Variants in OTULINL observed in about 807,000 individuals in gnomAD.
The protein encoded by OTULINL is inactive ubiquitin thioesterase OTULINL.
OTULINL carries 42 observed loss-of-function variants against 43.9 expected under a neutral mutation model. The ratio of observed to expected loss-of-function variants is 0.96; its 90% CI spans 0.75 to 1.24. The LOEUF (loss-of-function observed/expected upper bound fraction) is 1.24, where lower values mean the gene tolerates loss of function less well. OTULINL is among the 50% of genes most tolerant of loss of function. The pLI is 0.00. For missense variants in OTULINL, 411 were observed against 426.4 expected (o/e 0.96, Z 0.32); for synonymous variants, 172 against 153.6 (o/e 1.12, Z -0.88).
rs904116870 is a variant in OTULINL, at chr5:14,615,192, T to G, written c.*4878T>G. The stretch of plus-strand genomic sequence containing the variant: ...GATGGTTTGTGACTTTACCCCATTG[T>G]GCCTTATCATTTGTCAGCAAACTTA... On this transcript the variant is annotated 3_prime_UTR_variant, in exon 8 of 8. Coordinates refer to ENST00000274217, the MANE Select transcript of OTULINL (RefSeq NM_019018.3). 6.6e-6 allele frequency among the ~76,000 whole-genome samples: 1 copy of G among 152,240 alleles called. No individual in the cohort carries two copies. Among genetic ancestry groups the G allele is most frequent in the African/African-American group, 2.4e-5 (1 of 41,458 alleles).
At chr5:14,595,696 C>A (rs1477588836) in intron 1 of OTULINL, among the ~76,000 whole-genome samples, 2 of 120,738 alleles carry the variant, frequency 1.7e-5, no homozygotes, top group African/African-American at 6.4e-5. Flanking sequence ...GTCTCATCTG[C>A]CATATATCGT....
At chr5:14,607,132 A>G (rs1404234575) in intron 5 of OTULINL, among the ~76,000 whole-genome samples, 198 bp from the exon 6 acceptor site, 1 of 152,172 alleles carries the variant, frequency 6.6e-6, no homozygotes, top group Non-Finnish European at 1.5e-5. Flanking sequence ...CAGGAGGCTG[A>G]GGCAGCAGAA....
chr5:14,602,103 C>T, intron 4 of OTULINL, 80 bp from the exon 5 acceptor site: 1 of 1,140,306 alleles, frequency 8.8e-7, no homozygotes, highest in African/African-American at 1.6e-5. Flanking sequence ...GGAGGAACAC[C>T]TCACTGAAAA....
intron 1 of OTULINL, 69 bp downstream of exon 1, chr5:14,582,027 A>G (rs1212708443): frequency 2.7e-6 from 3 of 1,102,832 alleles, no homozygotes; most frequent in African/African-American, 1.6e-5. Flanking sequence ...GCGGGGTCGC[A>G]GGCAGCCAGG....
intron 5 of OTULINL, 75 bp from the exon 6 acceptor site, chr5:14,607,255 G>A (rs1759498623): frequency 2.8e-6 from 4 of 1,440,316 alleles, no homozygotes; most frequent in Non-Finnish European, 3.8e-6. Context: ...AAGGTTGTGT[G>A]CTGTGCTATA....
chr5:14,595,683 A>G (rs543010205), intron 1 of OTULINL, among the ~76,000 whole-genome samples: 4 of 129,276 alleles, frequency 3.1e-5, no homozygotes, highest in African/African-American at 9.1e-5. Flanking sequence ...GTTCTGACCA[A>G]CAGTCTCATC....
At chr5:14,582,014 C>T (rs1759009129) in intron 1 of OTULINL, 56 bp downstream of exon 1, 3 of 1,161,862 alleles carry the variant, frequency 2.6e-6, no homozygotes, top group Non-Finnish European at 3.2e-6. Context: ...ACCGTCAAGG[C>T]GGGCGGGGTC....
Position 14,609,029 on chromosome 5 carries a change from G to A in OTULINL, c.897+12G>A. The A allele has an allele frequency of 6.3e-7, 1 of 1,599,606 alleles. No homozygotes were observed. Among genetic ancestry groups the A allele is most frequent in the Non-Finnish European group, 8.5e-7 (1 of 1,171,326 alleles). Reference sequence around the variant, plus strand: ...GTGGACTAGAGCAGGTAACCGGGGAGGAAGAACTGCTTGTATTTGATTAAG... The same window carrying A: ...GTGGACTAGAGCAGGTAACCGGGGAAGAAGAACTGCTTGTATTTGATTAAG... On this transcript the variant is annotated intron_variant, in intron 7 of 7. Coordinates refer to ENST00000274217, the MANE Select transcript of OTULINL (RefSeq NM_019018.3).
At chr5:14,582,707 C>T (rs1472885067) in intron 1 of OTULINL, among the ~76,000 whole-genome samples, 1 of 147,942 alleles carries the variant, frequency 6.8e-6, no homozygotes, top group Non-Finnish European at 1.5e-5. Context: ...CCCAGCTACT[C>T]GGAAGGCTGA....
intron 1 of OTULINL, among the ~76,000 whole-genome samples, chr5:14,588,622 C>T (rs1759147479): frequency 6.6e-6 from 1 of 152,184 alleles, no homozygotes; most frequent in African/African-American, 2.4e-5. Flanking sequence ...TTATTTCTCT[C>T]ACATCAAAGA....
At position 14,615,368 on chromosome 5, in the gene OTULINL, TC is replaced by T. The variant is rs1246479092; in HGVS notation, c.*5056del. Among the ~76,000 whole-genome samples, 2 of 145,518 alleles carry T rather than the reference TC, an allele frequency of 1.4e-5. No homozygotes were observed. Among genetic ancestry groups the T allele is most frequent in the African/African-American group, 2.6e-5 (1 of 38,658 alleles). On this transcript the variant is annotated 3_prime_UTR_variant, in exon 8 of 8. Transcript: ENST00000274217. Reference sequence around the variant, plus strand: ...CCGCCTCCCAGCATGTACCTGGACTTCCTTTGGGTGCCGGCTTTTCTGCTGG... The same window carrying T: ...CCGCCTCCCAGCATGTACCTGGACTTCTTTGGGTGCCGGCTTTTCTGCTGG...
At chr5:14,592,668 C>G (rs1482725733) in intron 1 of OTULINL, among the ~76,000 whole-genome samples, 1 of 152,174 alleles carries the variant, frequency 6.6e-6, no homozygotes, top group Non-Finnish European at 1.5e-5. Flanking sequence ...CTGCCTTTAG[C>G]CCAAAGCATT....
chr5:14,592,855 A>T (rs1413710250), intron 1 of OTULINL, among the ~76,000 whole-genome samples: 1 of 152,048 alleles, frequency 6.6e-6, no homozygotes, highest in African/African-American at 2.4e-5. Context: ...CTTGAACGGG[A>T]CCTTCAGGCT....
chr5:14,586,449 A>G (rs1407648872), intron 1 of OTULINL, among the ~76,000 whole-genome samples: 4 of 152,236 alleles, frequency 2.6e-5, no homozygotes, highest in Admixed American at 2.6e-4. Context: ...GTTGCCTGTT[A>G]GTACTGTTGC....
chr5:14,592,941 AG>A (rs1389098014), intron 1 of OTULINL, among the ~76,000 whole-genome samples: 1 of 152,182 alleles, frequency 6.6e-6, no homozygotes, highest in African/African-American at 2.4e-5. Context: ...CTCATGTCCT[AG>A]GGAAGCATTC....
intron 1 of OTULINL, 84 bp downstream of exon 1, chr5:14,582,042 C>G: frequency 9.9e-7 from 1 of 1,015,034 alleles, no homozygotes; most frequent in East Asian, 3.7e-5. Context: ...GCCAGGGACG[C>G]GCCCTCCTCG....
In OTULINL at chr5:14,611,345, CAG is replaced by C. The variant is rs1375724048; in HGVS notation, c.*1034_*1035del. ...GTGGAAGAGGGAATTGGAAGAGTGTCAGAGTCAGAGGGGAATGTGAAATATGG... is the reference window on the plus strand; with the variant it reads ...GTGGAAGAGGGAATTGGAAGAGTGTCAGTCAGAGGGGAATGTGAAATATGG... On this transcript the variant is annotated 3_prime_UTR_variant, in exon 8 of 8. Transcript: ENST00000274217. 2.0e-5 allele frequency: 3 copies of C among 152,142 alleles called. No homozygotes were observed. The highest frequency in any genetic ancestry group is 7.2e-5 in the African/African-American group (3 of 41,400). The allele number at this position is 152,142 out of a possible 1,614,324, so 9.4% of individuals were successfully genotyped here.
At chr5:14,584,693 T>TA (rs906833645) in intron 1 of OTULINL, among the ~76,000 whole-genome samples, 28 of 152,348 alleles carry the variant, frequency 1.8e-4, no homozygotes, top group African/African-American at 6.3e-4. Context: ...TGTTATTTTT[T>TA]AACCTTATTT....
intron 1 of OTULINL, among the ~76,000 whole-genome samples, chr5:14,585,070 G>A (rs1267036446): frequency 6.6e-6 from 1 of 152,174 alleles, no homozygotes; most frequent in African/African-American, 2.4e-5. Flanking sequence ...AAAGTGTGCT[G>A]AGAATCGTGA....
Sources: allele counts gnomAD v4.1 joint callset (sites outside exome capture counted in the v4.1 genomes callset), GRCh38; gene constraint gnomAD v4.1.1; transcripts MANE v1.5; gene names NCBI Gene and HGNC (gene_info 2026-07-23, HGNC 2026-07-21).